PIK3R4: variants seen among roughly 807,000 people sequenced by gnomAD.
PIK3R4 encodes the protein phosphoinositide-3-kinase regulatory subunit 4, also known as phosphoinositide 3-kinase regulatory subunit 4.
Under a neutral mutation model 136.5 loss-of-function variants are expected in PIK3R4, and 46 were observed. That is an observed-to-expected ratio of 0.34 (90% CI 0.27 to 0.43). PIK3R4 has a LOEUF of 0.43. Ranked by LOEUF, PIK3R4 falls within the 20% of genes least tolerant of loss-of-function variation. PIK3R4 has a pLI of 1.00. For synonymous variants in PIK3R4, 557 were observed against 566.7 expected, an observed-to-expected ratio of 0.98 and a Z score of 0.24; for missense variants, 1,331 against 1,649.5, an observed-to-expected ratio of 0.81 and a Z score of 3.35.
chr3:130,691,940 T>A (rs982872809), intron 13 of PIK3R4, among the ~76,000 whole-genome samples: 9 of 147,584 alleles, frequency 6.1e-5, no homozygotes, highest in Non-Finnish European at 1.3e-4. Flanking sequence ...AGTGGTGCGA[T>A]CTGGGCTCAC....
intron 15 of PIK3R4, among the ~76,000 whole-genome samples, chr3:130,684,965 G>A (rs1254880229): frequency 6.6e-6 from 1 of 152,100 alleles, no homozygotes; most frequent in African/African-American, 2.4e-5. Context: ...ATAAAGCAAA[G>A]GGCACACACT....
intron 6 of PIK3R4, among the ~76,000 whole-genome samples, chr3:130,725,163 T>G (rs979931733): frequency 4.0e-5 from 6 of 151,832 alleles, no homozygotes; most frequent in African/African-American, 1.4e-4. Flanking sequence ...TAAAACTATT[T>G]TGAAAATGAA....
intron 9 of PIK3R4, among the ~76,000 whole-genome samples, chr3:130,712,750 C>T (rs933742322): frequency 2.0e-5 from 3 of 151,836 alleles, no homozygotes; most frequent in Admixed American, 2.0e-4. Flanking sequence ...ACTAGTAATC[C>T]TAAGAAACTC....
chr3:130,726,468 A>AT (rs1010008904), intron 6 of PIK3R4, among the ~76,000 whole-genome samples: 2 of 152,106 alleles, frequency 1.3e-5, no homozygotes, highest in African/African-American at 4.8e-5. Context: ...AAATTAAATG[A>AT]TTTTCCAAGA....
chr3:130,681,011 T>G lies in PIK3R4; in HGVS notation c.3763A>C (p.Ile1255Leu). ...IYCSPADGNP[I>L]LLTAGSDMKI... ...ATATCTGAGCCAGCTGTTAGTAGGA[T>G]AGGATTTCCATCTGCAGGACTACAG... Residue 1255 changes from isoleucine (I) to leucine (L), a missense_variant, in exon 18 of 20, where the codon ATC becomes CTC. Transcript: ENST00000356763. 6.3e-7 allele frequency: 1 copy of G among 1,591,568 alleles called. No individual in the cohort carries two copies. The highest frequency in any genetic ancestry group is 1.1e-5 in the South Asian group (1 of 88,986).
At position 130,740,124 on chromosome 3, in the gene PIK3R4, A is replaced by G. The variant is rs2066813696; in HGVS notation, c.734-4122T>C. ...TATTCTTGCAACTTCCTTTGATTCT[A>G]CAATAATTTCAAACTAAAATGTATA... On this transcript the variant is annotated intron_variant, in intron 2 of 19. Coordinates refer to ENST00000356763, the MANE Select transcript of PIK3R4 (RefSeq NM_014602.3). Among the ~76,000 whole-genome samples, 8 of 152,234 alleles carry G rather than the reference A, an allele frequency of 5.3e-5. No homozygotes were observed. The South Asian group carries it at 1.7e-3, about 31-fold the overall frequency.
At chr3:130,704,275 C>A (rs1210443032) in intron 12 of PIK3R4, among the ~76,000 whole-genome samples, 2 of 152,124 alleles carry the variant, frequency 1.3e-5, no homozygotes, top group East Asian at 3.8e-4. Context: ...TATAATACAC[C>A]ACTTACAAAG....
intron 2 of PIK3R4, among the ~76,000 whole-genome samples, chr3:130,743,675 T>A (rs901568104): frequency 2.6e-5 from 4 of 152,132 alleles, no homozygotes; most frequent in African/African-American, 9.7e-5. Context: ...ACTAATTATC[T>A]CTTAAGCATT....
intron 13 of PIK3R4, among the ~76,000 whole-genome samples, chr3:130,692,493 T>G (rs1461495999): frequency 6.6e-6 from 1 of 152,250 alleles, no homozygotes; most frequent in East Asian, 1.9e-4. Flanking sequence ...TTCTTTCACA[T>G]AACATAATGT....
rs533634631 is a variant in PIK3R4, at chr3:130,733,572, T to A, written c.1426A>T (p.Thr476Ser). The change falls in exon 4 of 20, where the codon ACT becomes TCT. Residue 476 changes from threonine (T) to serine (S), a missense_variant. Physicochemically the swap from Thr to Ser is moderately conservative, Grantham distance 58 (BLOSUM62 1). Transcript: ENST00000356763. The stretch of plus-strand genomic sequence containing the variant: ...CCAGCATAGGCTAGTCTAACGATAG[T>A]AGCATCATCTTGGGCTAAGTGGGCT... ...GIAHLAQDDA[T>S]IVRLAYAENI... 1.9e-6 allele frequency: 3 copies of A among 1,612,528 alleles called. No homozygotes were observed. In the South Asian group the frequency reaches 3.3e-5, roughly 18 times the overall value.
intron 7 of PIK3R4, among the ~76,000 whole-genome samples, chr3:130,721,868 G>A (rs766672216): frequency 4.1e-4 from 63 of 152,064 alleles, no homozygotes; most frequent in Non-Finnish European, 8.4e-4. Flanking sequence ...ATGTATACTG[G>A]AAAATCACTA....
intron 9 of PIK3R4, among the ~76,000 whole-genome samples, chr3:130,710,008 T>C (rs1330830028): frequency 1.3e-5 from 2 of 152,144 alleles, no homozygotes; most frequent in Admixed American, 1.3e-4. Context: ...AAGAGTGAAT[T>C]TTATGGTAGT....
rs780864441 is a variant in PIK3R4, at chr3:130,695,651, T to C, written c.3099-4997A>G. On this transcript the variant is annotated intron_variant, in intron 13 of 19. Transcript: ENST00000356763. ...CAGAACAGTAAGACATTTTGAGAGA[T>C]AGAGACTCTATTCACATAACTTTTA... Among the ~76,000 whole-genome samples the C allele has an allele frequency of 6.6e-5, 10 of 152,284 alleles. No individual in the cohort carries two copies. In the East Asian group the frequency reaches 1.2e-3, roughly 18 times the overall value.
chr3:130,733,332 T>C (rs1370086497), intron 4 of PIK3R4, among the ~76,000 whole-genome samples: 1 of 152,158 alleles, frequency 6.6e-6, no homozygotes, highest in Non-Finnish European at 1.5e-5. Flanking sequence ...CAAAATTCCA[T>C]CACTTGATAA....
At chr3:130,688,094 C>T (rs768510548) in intron 14 of PIK3R4, among the ~76,000 whole-genome samples, 1 of 152,166 alleles carries the variant, frequency 6.6e-6, no homozygotes, top group African/African-American at 2.4e-5. Context: ...TATGCCTATG[C>T]ATACACAAAT....
In PIK3R4 at chr3:130,708,298, G is replaced by A. The variant is rs940066909; in HGVS notation, c.2526C>T (p.Asp842=). Residue 842 remains aspartate (D), a synonymous_variant, in exon 10 of 20, where the codon GAC becomes GAT. Transcript: ENST00000356763. ...DLVKTKQEPD[D]KRARKHVKQD... Reference sequence around the variant, plus strand: ...ACAAACAAGCATACTAACCCCGTTTGTCATCTGGTTCTTGTTTGGTTTTAA... The same window carrying A: ...ACAAACAAGCATACTAACCCCGTTTATCATCTGGTTCTTGTTTGGTTTTAA... 3.1e-6 allele frequency: 5 copies of A among 1,612,870 alleles called. No homozygotes were observed. Among genetic ancestry groups the A allele is most frequent in the Non-Finnish European group, 3.4e-6 (4 of 1,179,166 alleles).
intron 5 of PIK3R4, 139 bp downstream of exon 5, chr3:130,730,169 A>T: frequency 6.4e-6 from 4 of 622,632 alleles, no homozygotes; most frequent in Non-Finnish European, 1.1e-5. Context: ...GAATAATTAG[A>T]CACCAGGGAC....
chr3:130,706,870 A>G, intron 11 of PIK3R4, 78 bp downstream of exon 11: 1 of 1,177,002 alleles, frequency 8.5e-7, no homozygotes, highest in South Asian at 1.7e-5. Context: ...CCACTACAGT[A>G]CACAGCCTTT....
intron 4 of PIK3R4, 55 bp downstream of exon 4, chr3:130,733,493 A>T: frequency 8.8e-7 from 1 of 1,134,618 alleles, no homozygotes; most frequent in African/African-American, 1.5e-5. Flanking sequence ...GCAGTATTAT[A>T]GTCATTAACT....
Sources: allele counts gnomAD v4.1 joint callset (sites outside exome capture counted in the v4.1 genomes callset), GRCh38; gene constraint gnomAD v4.1.1; transcripts MANE v1.5; gene names NCBI Gene and HGNC (gene_info 2026-07-23, HGNC 2026-07-21).